Variants in RNLS observed in about 807,000 individuals in gnomAD.
RNLS encodes the protein renalase, FAD dependent amine oxidase, also known as renalase.
RNLS carries 39 observed loss-of-function variants against 39.8 expected under a neutral mutation model. That is an observed-to-expected ratio of 0.98 (90% CI 0.76 to 1.28). RNLS has a LOEUF of 1.28. RNLS is among the 50% of genes most tolerant of loss of function. The pLI is 0.00. For synonymous variants in RNLS, 147 were observed against 150.7 expected, an observed-to-expected ratio of 0.98 and a Z score of 0.18; for missense variants, 410 against 413.3, an observed-to-expected ratio of 0.99 and a Z score of 0.07.
chr10:88,422,038 T>G (rs1192718458), intron 4 of RNLS, among the ~76,000 whole-genome samples: 1 of 152,228 alleles, frequency 6.6e-6, no homozygotes, highest in African/African-American at 2.4e-5. Flanking sequence ...TTTTTAAGAA[T>G]AGCTTTCTAC....
chr10:88,514,948 G>T (rs1353741767), intron 4 of RNLS, among the ~76,000 whole-genome samples: 1 of 152,026 alleles, frequency 6.6e-6, no homozygotes, highest in African/African-American at 2.4e-5. Context: ...TTTAATTTTT[G>T]GAGGAAACTC....
intron 4 of RNLS, among the ~76,000 whole-genome samples, chr10:88,485,608 A>G (rs565586855): frequency 6.7e-6 from 1 of 150,086 alleles, no homozygotes; most frequent in African/African-American, 2.5e-5. Context: ...TGTGACAGGC[A>G]TATTAGGCCT....
At chr10:88,537,991 TC>T (rs1380052949) in intron 4 of RNLS, among the ~76,000 whole-genome samples, 1 of 152,196 alleles carries the variant, frequency 6.6e-6, no homozygotes, top group Non-Finnish European at 1.5e-5. Flanking sequence ...GAATAATGCC[TC>T]TTACAAACTT....
chr10:88,376,264 A>G (rs1850990016), intron 4 of RNLS, among the ~76,000 whole-genome samples: 1 of 152,102 alleles, frequency 6.6e-6, no homozygotes, highest in South Asian at 2.1e-4. Context: ...CAATAAACAT[A>G]CCAATGTGTC....
intron 4 of RNLS, among the ~76,000 whole-genome samples, chr10:88,529,809 G>T (rs1192191347): frequency 1.3e-5 from 2 of 152,062 alleles, no homozygotes; most frequent in Non-Finnish European, 2.9e-5. Flanking sequence ...TGTTATTTTT[G>T]TTCATACAAT....
chr10:88,542,323 G>A (rs1848089184), intron 4 of RNLS, among the ~76,000 whole-genome samples: 1 of 152,050 alleles, frequency 6.6e-6, no homozygotes, highest in Non-Finnish European at 1.5e-5. Flanking sequence ...GACTGGGAAT[G>A]AGAAGCACAG....
chr10:88,207,518 C>T, the RNLS span, among the ~76,000 whole-genome samples: 34 of 152,236 alleles, frequency 2.2e-4, no homozygotes, highest in East Asian at 1.5e-3. Flanking sequence ...TTTAAAAAGA[C>T]TGGCTATACC....
At chr10:88,310,394 T>A (rs954688429) in intron 6 of RNLS, among the ~76,000 whole-genome samples, 4 of 152,196 alleles carry the variant, frequency 2.6e-5, no homozygotes, top group African/African-American at 9.7e-5. Context: ...CAATAAATCC[T>A]GATAATTGTG....
chr10:88,471,656 A>G (rs950694103), intron 4 of RNLS, among the ~76,000 whole-genome samples: 1 of 152,220 alleles, frequency 6.6e-6, no homozygotes, highest in Non-Finnish European at 1.5e-5. Flanking sequence ...TTCACAGGGT[A>G]TCGTTTACTA....
the RNLS span, among the ~76,000 whole-genome samples, chr10:88,180,046 T>A: frequency 6.6e-6 from 1 of 152,380 alleles, no homozygotes; most frequent in Non-Finnish European, 1.5e-5. Context: ...AGTATGTTCT[T>A]ACGGAAACCA....
At chr10:88,384,932 C>A (rs554005074) in intron 4 of RNLS, among the ~76,000 whole-genome samples, 3 of 152,330 alleles carry the variant, frequency 2.0e-5, no homozygotes, top group African/African-American at 7.2e-5. Context: ...TAGGCTTACA[C>A]CTAGCTTTGC....
chr10:88,478,695 T>C (rs779693820), intron 4 of RNLS, among the ~76,000 whole-genome samples: 1 of 152,160 alleles, frequency 6.6e-6, no homozygotes, highest in African/African-American at 2.4e-5. Flanking sequence ...GCTCTGCTCA[T>C]TCCCATACAA....
chr10:88,410,632 A>C (rs149009325), intron 4 of RNLS, among the ~76,000 whole-genome samples: 1 of 152,254 alleles, frequency 6.6e-6, no homozygotes, highest in Non-Finnish European at 1.5e-5. Context: ...AATGAGTTCT[A>C]AACATTTATC....
At chr10:88,518,348 C>G (rs1008677554) in intron 4 of RNLS, among the ~76,000 whole-genome samples, 1 of 151,694 alleles carries the variant, frequency 6.6e-6, no homozygotes, top group Non-Finnish European at 1.5e-5. Context: ...CTACAGTAAA[C>G]CTTTCTACAT....
chr10:88,279,364 C>T (rs542568942), downstream of RNLS, among the ~76,000 whole-genome samples: 1 of 152,234 alleles, frequency 6.6e-6, no homozygotes, highest in East Asian at 1.9e-4. Flanking sequence ...AGTGTTTTCT[C>T]TACGCAGGAC....
chr10:88,407,598 C>T (rs1450932380), intron 4 of RNLS, among the ~76,000 whole-genome samples: 1 of 151,976 alleles, frequency 6.6e-6, no homozygotes, highest in Non-Finnish European at 1.5e-5. Flanking sequence ...CTAACTCCTT[C>T]GGTAGGTCAA....
chr10:88,310,200 G>A (rs1448230226), intron 6 of RNLS, among the ~76,000 whole-genome samples: 2 of 151,732 alleles, frequency 1.3e-5, no homozygotes, highest in Non-Finnish European at 2.9e-5. Flanking sequence ...GTGATAAAGC[G>A]AGACCCTGTC....
the RNLS span, among the ~76,000 whole-genome samples, chr10:88,183,123 G>C: frequency 6.6e-6 from 1 of 152,130 alleles, no homozygotes; most frequent in Non-Finnish European, 1.5e-5. Flanking sequence ...CAGTTGTCTT[G>C]TCATTCCAGA....
In RNLS at chr10:88,512,030, T is replaced by G. The variant is rs145846747; in HGVS notation, c.526+60873A>C. 7.0e-4 allele frequency among the ~76,000 whole-genome samples: 106 copies of G among 152,316 alleles called. No individual in the cohort carries two copies. The East Asian group carries it at 0.02, about 29-fold the overall frequency. On this transcript the variant is annotated intron_variant, in intron 4 of 6. Coordinates refer to ENST00000331772, the MANE Select transcript of RNLS (RefSeq NM_001031709.3). Reference sequence around the variant, plus strand: ...TATAAATAACAATGTAAAATCATCCTTGAATGTAAATCAGTAACACTATAT... The same window carrying G: ...TATAAATAACAATGTAAAATCATCCGTGAATGTAAATCAGTAACACTATAT...
Sources: allele counts gnomAD v4.1 joint callset (sites outside exome capture counted in the v4.1 genomes callset), GRCh38; gene constraint gnomAD v4.1.1; transcripts MANE v1.5; gene names NCBI Gene and HGNC (gene_info 2026-07-23, HGNC 2026-07-21).